The following RDH11 variants were observed in gnomAD, a reference collection of about 807,000 sequenced individuals.
RDH11 encodes the protein retinol dehydrogenase 11, also known as HCV core-binding protein HCBP12.
Under a neutral mutation model 33.4 loss-of-function variants are expected in RDH11, and 19 were observed. That is an observed-to-expected ratio of 0.57 (90% CI 0.40 to 0.83). The LOEUF (loss-of-function observed/expected upper bound fraction) is 0.83, where lower values mean the gene tolerates loss of function less well. Among genes scored for constraint, RDH11 ranks in the 40% least tolerant of loss-of-function variants. The pLI, the probability that RDH11 is intolerant of heterozygous loss-of-function variation, is 0.00. For synonymous variants in RDH11, 154 were observed against 155.3 expected (o/e 0.99, Z 0.06); for missense variants, 353 against 389.0 (o/e 0.91, Z 0.78).
At chr14:67,690,146 C>T in intron 5 of RDH11, 66 bp downstream of exon 5, 1 of 1,439,198 alleles carries the variant, frequency 6.9e-7, no homozygotes, top group Non-Finnish European at 9.7e-7. Context: ...AAACAGTTTC[C>T]ATTCCTGTGG....
intron 3 of RDH11, 111 bp downstream of exon 3, chr14:67,692,327 G>T: frequency 9.0e-7 from 1 of 1,113,578 alleles, no homozygotes; most frequent in Non-Finnish European, 1.3e-6. Context: ...AGAAGTTTTT[G>T]GCTATATTTT....
At chr14:67,680,615 C>A (rs562526566) in intron 6 of RDH11, among the ~76,000 whole-genome samples, 5 of 152,138 alleles carry the variant, frequency 3.3e-5, no homozygotes, top group Non-Finnish European at 7.3e-5. Flanking sequence ...CACGCCACCA[C>A]GCCTGGCTAA....
chr14:67,685,352 T>C (rs1489597903), intron 5 of RDH11, 148 bp from the exon 6 acceptor site: 1 of 619,146 alleles, frequency 1.6e-6, no homozygotes, highest in African/African-American at 1.9e-5. Flanking sequence ...CACAGTAATT[T>C]ATACTTCCAT....
At chr14:67,690,709 T>C (rs144391602) in intron 4 of RDH11, 259 of 427,518 alleles carry the variant, frequency 6.1e-4, no homozygotes, top group African/African-American at 4.4e-3. Context: ...GTTGGCTGGG[T>C]GCGGTGGCTC....
chr14:67,679,547 G>A, intron 6 of RDH11, among the ~76,000 whole-genome samples: 1 of 152,054 alleles, frequency 6.6e-6, no homozygotes, highest in South Asian at 2.1e-4. Flanking sequence ...GGGATTATAG[G>A]CGCCTGCCAC....
chr14:67,683,232 T>C (rs190906092), intron 6 of RDH11, among the ~76,000 whole-genome samples: 37 of 152,292 alleles, frequency 2.4e-4, no homozygotes, highest in Admixed American at 2.4e-3. Flanking sequence ...AAGTTATGGA[T>C]TTAGAGCTGA....
intron 5 of RDH11, among the ~76,000 whole-genome samples, chr14:67,685,496 C>T (rs1371494989): frequency 6.6e-6 from 1 of 152,116 alleles, no homozygotes; most frequent in Non-Finnish European, 1.5e-5. Flanking sequence ...TGACCACCCC[C>T]TTCTTTTTTA....
At chr14:67,689,798 G>A (rs1240086016) in intron 5 of RDH11, among the ~76,000 whole-genome samples, 2 of 152,034 alleles carry the variant, frequency 1.3e-5, no homozygotes, top group East Asian at 1.9e-4. Context: ...ACAAAAATTA[G>A]CCAGGCCTGG....
chr14:67,676,947 T>C lies in RDH11; in HGVS notation c.*1374A>G, dbSNP rs1726898012. 6.6e-6 allele frequency: 1 copy of C among 152,224 alleles called. No homozygotes were observed. Among genetic ancestry groups the C allele is most frequent in the African/African-American group, 2.4e-5 (1 of 41,456 alleles). 9.4% of individuals were successfully genotyped at this position (152,224 alleles called of 1,614,324 possible). A position where few individuals can be genotyped will look rare whatever the true frequency, so the allele number is the denominator to read the frequency against. ...CATTTATTCTGCACTATTATCAGAA[T>C]TTTTCTAATTTTTCCGTAAAATGAC... On this transcript the variant is annotated 3_prime_UTR_variant, in exon 7 of 7. Coordinates refer to ENST00000381346, the MANE Select transcript of RDH11 (RefSeq NM_016026.4).
chr14:67,678,104 C>T lies in RDH11; in HGVS notation c.*217G>A. On this transcript the variant is annotated 3_prime_UTR_variant, in exon 7 of 7. Transcript: ENST00000381346. ...TATCCTATTATGATATCTCTAGTAA[C>T]TCTGGCAGTAACAGAAGCAAAGTAA... 1 of 487,924 alleles carries T rather than the reference C, an allele frequency of 2.0e-6. No homozygotes were observed. Among genetic ancestry groups the T allele is most frequent in the East Asian group, 3.7e-5 (1 of 27,368 alleles). The allele number at this position is 487,924 out of a possible 1,614,324, so 30.2% of individuals were successfully genotyped here.
At chr14:67,689,471 C>A (rs528239247) in intron 5 of RDH11, among the ~76,000 whole-genome samples, 1 of 152,210 alleles carries the variant, frequency 6.6e-6, no homozygotes. Context: ...GAGACCCTGC[C>A]CCTCCATATT....
chr14:67,678,505 A>C (rs562925452), intron 6 of RDH11, 82 bp from the exon 7 acceptor site: 5 of 870,280 alleles, frequency 5.7e-6, no homozygotes, highest in Non-Finnish European at 9.4e-6. Context: ...TATGACATAA[A>C]AACAACTAGG....
chr14:67,695,694 G>A lies in RDH11; in HGVS notation c.10C>T (p.Leu4Phe). MVE[L>F]MFPLLLLLLP... Reference sequence around the variant, plus strand: ...AGGAGGAGCAACAGCGGGAACATGAGCTCAACCATCTCTGCCGGCTGCAGC... The same window carrying A: ...AGGAGGAGCAACAGCGGGAACATGAACTCAACCATCTCTGCCGGCTGCAGC... Residue 4 changes from leucine (L) to phenylalanine (F), a missense_variant, in exon 1 of 7, where the codon CTC becomes TTC. Transcript: ENST00000381346. 2.5e-6 allele frequency: 4 copies of A among 1,614,166 alleles called. No individual in the cohort carries two copies. The highest frequency in any genetic ancestry group is 3.4e-6 in the Non-Finnish European group (4 of 1,180,016).
chr14:67,687,039 C>T (rs1171649762), intron 5 of RDH11, among the ~76,000 whole-genome samples: 1 of 152,128 alleles, frequency 6.6e-6, no homozygotes, highest in African/African-American at 2.4e-5. Context: ...TGCAGTGTTC[C>T]CGACATGCCC....
chr14:67,689,936 T>A, intron 5 of RDH11: 1 of 352,240 alleles, frequency 2.8e-6, no homozygotes, highest in Non-Finnish European at 5.4e-6. Context: ...CAGAGCAAGA[T>A]CCCGTCTCAA....
intron 5 of RDH11, among the ~76,000 whole-genome samples, chr14:67,689,759 C>T (rs934626667): frequency 1.3e-5 from 2 of 152,124 alleles, no homozygotes; most frequent in Non-Finnish European, 2.9e-5. Flanking sequence ...CCCTGACCAA[C>T]ATGGTGAAAT....
At chr14:67,692,146 T>A (rs1182704592) in intron 3 of RDH11, 2 of 287,896 alleles carry the variant, frequency 6.9e-6, no homozygotes, top group Non-Finnish European at 1.3e-5. Flanking sequence ...CCTGTGTAAG[T>A]ATTTAGACCC....
chr14:67,689,753 G>A (rs892970476), intron 5 of RDH11, among the ~76,000 whole-genome samples: 1 of 152,142 alleles, frequency 6.6e-6, no homozygotes, highest in Non-Finnish European at 1.5e-5. Flanking sequence ...AGACCACCCT[G>A]ACCAACATGG....
chr14:67,695,642 G>A lies in RDH11; in HGVS notation c.62C>T (p.Ala21Val). 1 of 1,613,946 alleles carries A rather than the reference G, an allele frequency of 6.2e-7. No individual in the cohort carries two copies. Among genetic ancestry groups the A allele is most frequent in the Non-Finnish European group, 8.5e-7 (1 of 1,179,894 alleles). Residue 21 changes from alanine (A) to valine (V), a missense_variant, in exon 1 of 7, where the codon GCG (alanine) becomes GTG (valine). Physicochemically the swap from Ala to Val is moderately conservative, Grantham distance 64. Transcript: ENST00000381346. ...LLLPFLLYMA[A>V]PQIRKMLSSG... ...CATTTGCACAGACCTGATTTGGGGC[G>A]CAGCCATATACAGAAGGAAGGGCAG...
Sources: allele counts gnomAD v4.1 joint callset (sites outside exome capture counted in the v4.1 genomes callset), GRCh38; gene constraint gnomAD v4.1.1; transcripts MANE v1.5; gene names NCBI Gene and HGNC (gene_info 2026-07-23, HGNC 2026-07-21).